Variants in APBA2 observed in about 807,000 individuals in gnomAD.
The protein encoded by APBA2 is amyloid beta precursor protein binding family A member 2.
A neutral mutation model predicts 75.0 loss-of-function variants in APBA2; 30 were observed. The observed-to-expected ratio is 0.40, with a 90% CI of 0.30 to 0.54. The LOEUF (loss-of-function observed/expected upper bound fraction) is 0.54, where lower values mean the gene tolerates loss of function less well. Ranked by LOEUF, APBA2 falls within the 20% of genes least tolerant of loss-of-function variation. The pLI, the probability that APBA2 is intolerant of heterozygous loss-of-function variation, is 0.49. For synonymous variants in APBA2, 444 were observed against 409.6 expected, an observed-to-expected ratio of 1.08 and a Z score of -1.01; for missense variants, 801 against 1,016.1, an observed-to-expected ratio of 0.79 and a Z score of 2.88.
At chr15:28,959,711 A>G (rs548700219) in intron 2 of APBA2, among the ~76,000 whole-genome samples, 123 of 152,240 alleles carry the variant, frequency 8.1e-4, no homozygotes, top group Non-Finnish European at 1.6e-3. Flanking sequence ...CAGCAGTTCC[A>G]GTTTTTAAGC....
intron 6 of APBA2, among the ~76,000 whole-genome samples, chr15:29,090,260 G>A (rs12101570): frequency 0.68 from 103,831 of 152,150 alleles, 39,222 homozygotes; most frequent in Non-Finnish European, 0.84. Context: ...CCGGAAGCAG[G>A]CATCCGTGGG....
chr15:29,029,929 T>C (rs905713464), intron 3 of APBA2, among the ~76,000 whole-genome samples: 8 of 152,134 alleles, frequency 5.3e-5, no homozygotes, highest in Non-Finnish European at 1.0e-4. Flanking sequence ...GAACGATTGC[T>C]CAACGCAGGA....
Position 28,942,051 on chromosome 15 carries a change from G to A in APBA2, c.-95+20302G>A, listed in dbSNP as rs192826079. On this transcript the variant is annotated intron_variant, in intron 2 of 14. Transcript: ENST00000683413. Reference sequence around the variant, plus strand: ...TGGGATTACAGGCGTGAGCCACTGCGCCTGGCCTCATAGCCATTTATTAAG... The same window carrying A: ...TGGGATTACAGGCGTGAGCCACTGCACCTGGCCTCATAGCCATTTATTAAG... Among the ~76,000 whole-genome samples, 5 of 152,336 alleles carry A rather than the reference G, an allele frequency of 3.3e-5. No homozygotes were observed. In the East Asian group the frequency reaches 9.6e-4, roughly 29 times the overall value.
At chr15:28,963,125 G>T (rs1036902248) in intron 2 of APBA2, among the ~76,000 whole-genome samples, 1 of 152,176 alleles carries the variant, frequency 6.6e-6, no homozygotes, top group Non-Finnish European at 1.5e-5. Context: ...GGCCTGGTGT[G>T]AATTTTTTAG....
chr15:29,112,594 G>A (rs186716139), intron 13 of APBA2, among the ~76,000 whole-genome samples: 16 of 152,112 alleles, frequency 1.1e-4, no homozygotes, highest in East Asian at 5.8e-4. Flanking sequence ...GCTGCCTTGC[G>A]GTATGGAATC....
chr15:29,043,137 C>T (rs1026944903), intron 3 of APBA2, among the ~76,000 whole-genome samples: 17 of 152,160 alleles, frequency 1.1e-4, no homozygotes, highest in East Asian at 5.8e-4. Context: ...GTTCCTGTTA[C>T]GGCATTAATG....
intron 6 of APBA2, among the ~76,000 whole-genome samples, chr15:29,085,533 A>C (rs2043255421): frequency 1.3e-5 from 2 of 152,006 alleles, no homozygotes; most frequent in African/African-American, 4.8e-5. Flanking sequence ...TCAAAAAAAA[A>C]AAAAAAAAAA....
chr15:28,898,206 G>A (rs1409162128), intron 1 of APBA2, among the ~76,000 whole-genome samples: 1 of 152,174 alleles, frequency 6.6e-6, no homozygotes, highest in Non-Finnish European at 1.5e-5. Context: ...GAGAAGAAAT[G>A]TGTTTTCAGC....
At chr15:29,060,117 A>C (rs1037557380) in intron 4 of APBA2, among the ~76,000 whole-genome samples, 5 of 152,170 alleles carry the variant, frequency 3.3e-5, no homozygotes, top group African/African-American at 1.2e-4. Context: ...GTGATGATGG[A>C]AAGGTTGTCA....
intron 2 of APBA2, among the ~76,000 whole-genome samples, chr15:28,942,882 C>T (rs563365600): frequency 1.6e-4 from 25 of 152,246 alleles, no homozygotes; most frequent in African/African-American, 4.6e-4. Flanking sequence ...CCCCGAGGCC[C>T]GTGGCCGCTG....
intron 2 of APBA2, among the ~76,000 whole-genome samples, chr15:28,972,431 A>G (rs188287737): frequency 3.8e-4 from 58 of 152,348 alleles, no homozygotes; most frequent in African/African-American, 1.4e-3. Context: ...GATAAAGAGA[A>G]TATCAGCAGG....
chr15:28,950,408 A>G (rs2035794996), intron 2 of APBA2, among the ~76,000 whole-genome samples: 1 of 151,960 alleles, frequency 6.6e-6, no homozygotes, highest in African/African-American at 2.4e-5. Context: ...TGGGTGGATC[A>G]TGAGGTCAGG....
chr15:29,007,861 G>A (rs954014449), intron 3 of APBA2, among the ~76,000 whole-genome samples: 4 of 152,184 alleles, frequency 2.6e-5, no homozygotes, highest in African/African-American at 7.2e-5. Context: ...GAATCTAGGC[G>A]TGGTTTCACT....
intron 1 of APBA2, among the ~76,000 whole-genome samples, chr15:28,910,676 G>A (rs1302359186): frequency 6.6e-6 from 1 of 152,194 alleles, no homozygotes; most frequent in East Asian, 1.9e-4. Context: ...TTGTACCACA[G>A]CAATTGCTTT....
chr15:29,098,501 G>T lies in APBA2; in HGVS notation c.1263G>T (p.Gly421=), dbSNP rs367808207. Residue 421 remains glycine (G), a synonymous_variant, in exon 9 of 15, where the codon GGG becomes GGT. Coordinates refer to ENST00000683413, the MANE Select transcript of APBA2 (RefSeq NM_001353788.2). ...AKIKKKANSE[G]DAQTLTEVDL... Reference sequence around the variant, plus strand: ...ACTGTCCTTCTTAGAATTCTGAGGGGGATGCCCAGACGCTGACGGAAGTGG... The same window carrying T: ...ACTGTCCTTCTTAGAATTCTGAGGGTGATGCCCAGACGCTGACGGAAGTGG... 1.2e-6 allele frequency: 2 copies of T among 1,613,974 alleles called. No individual in the cohort carries two copies. The highest frequency in any genetic ancestry group is 2.2e-5 in the East Asian group (1 of 44,882).
intron 2 of APBA2, among the ~76,000 whole-genome samples, chr15:28,971,244 A>G (rs2037051400): frequency 1.3e-5 from 2 of 152,022 alleles, no homozygotes; most frequent in African/African-American, 4.8e-5. Flanking sequence ...ACGATTGGAT[A>G]AGGGGGGATC....
At chr15:28,887,899 G>C (rs1420226935) in intron 1 of APBA2, among the ~76,000 whole-genome samples, 3 of 152,142 alleles carry the variant, frequency 2.0e-5, no homozygotes, top group Non-Finnish European at 4.4e-5. Context: ...TAGGAAGTGT[G>C]GTCTGTGCCC....
At chr15:28,901,638 T>A (rs891577014) in intron 1 of APBA2, among the ~76,000 whole-genome samples, 2 of 151,990 alleles carry the variant, frequency 1.3e-5, no homozygotes, top group Admixed American at 6.5e-5. Flanking sequence ...GGTTGAGTGG[T>A]CCTGGATGCA....
rs2038216569 is a variant in APBA2, at chr15:28,991,291, C to A, written c.-94-4462C>A. Among the ~76,000 whole-genome samples, 1 of 152,216 alleles carries A rather than the reference C, an allele frequency of 6.6e-6. No individual in the cohort carries two copies. Among genetic ancestry groups the A allele is most frequent in the African/African-American group, 2.4e-5 (1 of 41,460 alleles). On this transcript the variant is annotated intron_variant, in intron 2 of 14. Coordinates refer to ENST00000683413, the MANE Select transcript of APBA2 (RefSeq NM_001353788.2). This position sits in a 1 kb window ranked among gnomAD's most constrained non-coding sequence, Gnocchi z 4.7. ...GGGGGCGCATCCATCCCCCATGTCC[C>A]CAGTCCCATCCTGGGTGTTCTGGGA...
Sources: gnomAD v4.1 joint callset for allele counts (sites outside exome capture counted in the v4.1 genomes callset) on GRCh38, gnomAD v4.1.1 for gene constraint, Gnocchi (gnomAD v3.1) non-coding constraint, MANE v1.5 for transcripts, NCBI Gene and HGNC (gene_info 2026-07-23, HGNC 2026-07-21) for gene names.